Variants in EP300 observed in about 807,000 individuals in gnomAD.
EP300 encodes the protein histone acetyltransferase p300.
In EP300, 31 loss-of-function variants were observed where a neutral mutation model predicts 264.0. The observed-to-expected ratio is 0.12, with a 90% CI of 0.09 to 0.16. The LOEUF (loss-of-function observed/expected upper bound fraction) is 0.16, where lower values mean the gene tolerates loss of function less well. Ranked by LOEUF, EP300 falls within the 10% of genes least tolerant of loss-of-function variation. EP300 has a pLI of 1.00. For synonymous variants in EP300, 1,340 were observed against 1,045.4 expected, an observed-to-expected ratio of 1.28 and a Z score of -5.44; for missense variants, 2,766 against 3,052.9, an observed-to-expected ratio of 0.91 and a Z score of 2.21.
intron 17 of EP300, among the ~76,000 whole-genome samples, chr22:41,156,827 A>G (rs1397982238): frequency 6.6e-6 from 1 of 152,170 alleles, no homozygotes. Flanking sequence ...CTGTGGGCTT[A>G]GTTTCCTCAT....
At position 41,177,789 on chromosome 22, in the gene EP300, C is replaced by T. The variant is rs948050348; in HGVS notation, c.6078C>T (p.Asn2026=). 3 of 1,613,926 alleles carry T rather than the reference C, an allele frequency of 1.9e-6. No individual in the cohort carries two copies. The highest frequency in any genetic ancestry group is 2.5e-6 in the Non-Finnish European group (3 of 1,180,032). Residue 2026 remains asparagine (N), a synonymous_variant, in exon 31 of 31, where the codon AAC becomes AAT. Transcript: ENST00000263253. Reference sequence around the variant, plus strand: ...TGGCCCAGCATGGTCAACCTTTGAACATGGCTCCACAACCAGGATTGGGCC... The same window carrying T: ...TGGCCCAGCATGGTCAACCTTTGAATATGGCTCCACAACCAGGATTGGGCC... ...MSVAQHGQPL[N]MAPQPGLGQV... is the part of the protein sequence containing the mutation.
intron 2 of EP300, among the ~76,000 whole-genome samples, chr22:41,121,720 A>T (rs1450707948): frequency 6.6e-6 from 1 of 152,188 alleles, no homozygotes; most frequent in East Asian, 1.9e-4. Flanking sequence ...GAAGGACCAG[A>T]TTGTTTGGGG....
In EP300 at chr22:41,102,417, C is replaced by T. The variant is rs143528478; in HGVS notation, c.94+9319C>T. Among the ~76,000 whole-genome samples the T allele has an allele frequency of 2.6e-3, 398 of 152,206 alleles. 1 individual carries two copies. The highest frequency in any genetic ancestry group is 9.3e-3 in the African/African-American group (385 of 41,506). On this transcript the variant is annotated intron_variant, in intron 1 of 30. Coordinates refer to ENST00000263253, the MANE Select transcript of EP300 (RefSeq NM_001429.4). ...TAGGATTAGTAAAAATGAGCCCAGGCTAGAAAGGAGACTGTGTGAGGCCAG... is the reference window on the plus strand; with the variant it reads ...TAGGATTAGTAAAAATGAGCCCAGGTTAGAAAGGAGACTGTGTGAGGCCAG...
intron 2 of EP300, among the ~76,000 whole-genome samples, chr22:41,122,491 C>G (rs925416979): frequency 6.6e-6 from 1 of 152,110 alleles, no homozygotes; most frequent in African/African-American, 2.4e-5. Flanking sequence ...CTGAATGCTT[C>G]TCATTTCAGG....
chr22:41,098,671 C>T (rs533401864), intron 1 of EP300, among the ~76,000 whole-genome samples: 32 of 152,138 alleles, frequency 2.1e-4, no homozygotes, highest in Admixed American at 1.7e-3. Context: ...GCACCTGGCC[C>T]TAGAAGTAAT....
In EP300 at chr22:41,093,374, C is replaced by G. The variant is rs187409923; in HGVS notation, c.94+276C>G. On this transcript the variant is annotated intron_variant, in intron 1 of 30. Coordinates refer to ENST00000263253, the MANE Select transcript of EP300 (RefSeq NM_001429.4). ...TATAGAAATGGCCTGTATTGTTGCT[C>G]TCATGCAATTTAATTTGGGAAATGC... 1.6e-4 allele frequency among the ~76,000 whole-genome samples: 25 copies of G among 152,278 alleles called. No homozygotes were observed. In the East Asian group the frequency reaches 4.4e-3, roughly 27 times the overall value.
chr22:41,141,313 C>A, intron 10 of EP300, 91 bp downstream of exon 10: 1 of 1,412,912 alleles, frequency 7.1e-7, no homozygotes, highest in South Asian at 1.2e-5. Flanking sequence ...GCTTGTGTAA[C>A]TATTCTAGAG....
At chr22:41,120,170 GA>G (rs2058844491) in intron 2 of EP300, among the ~76,000 whole-genome samples, 1 of 152,094 alleles carries the variant, frequency 6.6e-6, no homozygotes, top group African/African-American at 2.4e-5. Context: ...TTTGACAAAT[GA>G]GGGAGCTTTA....
intron 8 of EP300, 51 bp downstream of exon 8, chr22:41,137,841 A>G (rs185954843): frequency 9.9e-6 from 16 of 1,612,990 alleles, no homozygotes; most frequent in Admixed American, 8.3e-5. Flanking sequence ...TTACGTCAAC[A>G]TGTTTTCAAT....
At position 41,178,310 on chromosome 22, in the gene EP300, G is replaced by A. The variant is rs766113308; in HGVS notation, c.6599G>A (p.Gly2200Glu). The change falls in exon 31 of 31, where the codon GGA (glycine) becomes GAA (glutamate). Residue 2200 changes from glycine to glutamate, a missense_variant. Physicochemically the swap from Gly to Glu is moderately conservative, Grantham distance 98. Transcript: ENST00000263253. ...CAGCAGCAACAGGGAGCAGGGCCAGGAATAGGCCCTGGAATGGCCAACCAT... is the reference window on the plus strand; with the variant it reads ...CAGCAGCAACAGGGAGCAGGGCCAGAAATAGGCCCTGGAATGGCCAACCAT... ...QQQQQQGAGP[G>E]IGPGMANHNQ... 4 of 1,614,178 alleles carry A rather than the reference G, an allele frequency of 2.5e-6. No homozygotes were observed. Among genetic ancestry groups the A allele is most frequent in the Non-Finnish European group, 2.5e-6 (3 of 1,180,028 alleles).
rs533205974 is a variant in EP300 at position 41,151,626 on chromosome 22, C to CA, written c.2818-205dup. Reference sequence around the variant, plus strand: ...GCTGGTTCTTTGATGTACAATCAGCCAACCAGTATTTACAAGTCTTAATTC... The same window carrying CA: ...GCTGGTTCTTTGATGTACAATCAGCCAAACCAGTATTTACAAGTCTTAATTC... On this transcript the variant is annotated intron_variant, in intron 14 of 30. Coordinates refer to ENST00000263253, the MANE Select transcript of EP300 (RefSeq NM_001429.4). Among the ~76,000 whole-genome samples the CA allele has an allele frequency of 5.1e-4, 77 of 152,252 alleles. 1 individual carries two copies. The highest frequency in any genetic ancestry group is 7.1e-4 in the Non-Finnish European group (48 of 68,022).
At position 41,135,856 on chromosome 22, in the gene EP300, G is replaced by T. The variant is rs746398873; in HGVS notation, c.1572G>T (p.Thr524=). The T allele has an allele frequency of 3.1e-6, 5 of 1,613,976 alleles. No individual in the cohort carries two copies. The South Asian group carries it at 5.5e-5, about 18-fold the overall frequency. The change falls in exon 7 of 31, where the codon ACG becomes ACT. Residue 524 remains threonine, a synonymous_variant. Transcript: ENST00000263253. ...TAAATGGAGGTGTAGGAGTTCAAAC[G>T]CCGAGTCTTCTTTCTGACTCAATGT... ...MGVNGGVGVQ[T]PSLLSDSMLH...
chr22:41,172,776 T>G (rs919364375), intron 28 of EP300, 113 bp downstream of exon 28: 2 of 1,141,588 alleles, frequency 1.8e-6, no homozygotes, highest in African/African-American at 3.1e-5. Flanking sequence ...AAGAGCTCTT[T>G]AAGTTGGACA....
chr22:41,164,270 A>T, intron 22 of EP300, 140 bp downstream of exon 22: 2 of 806,646 alleles, frequency 2.5e-6, no homozygotes, highest in East Asian at 5.2e-5. Flanking sequence ...GGCCACGATA[A>T]TTATAGTTCG....
At chr22:41,147,306 A>G (rs1243798368) in intron 11 of EP300, among the ~76,000 whole-genome samples, 1 of 149,304 alleles carries the variant, frequency 6.7e-6, no homozygotes, top group South Asian at 2.1e-4. Flanking sequence ...TTCGTCTCAA[A>G]AAAAAAAAAA....
At chr22:41,174,330 G>T (rs2059187804) in intron 29 of EP300, among the ~76,000 whole-genome samples, 1 of 152,162 alleles carries the variant, frequency 6.6e-6, no homozygotes, top group African/African-American at 2.4e-5. Context: ...TTGGGATGCT[G>T]GGGTGGGAGG....
chr22:41,101,782 TG>T (rs1440145867), intron 1 of EP300, among the ~76,000 whole-genome samples: 2 of 152,100 alleles, frequency 1.3e-5, no homozygotes, highest in African/African-American at 4.8e-5. Context: ...GTTATCCTCC[TG>T]CTTCGGCCTC....
Position 41,117,182 on chromosome 22 carries a change from T to C in EP300, c.95-5T>C. The C allele has an allele frequency of 2.5e-6, 4 of 1,614,050 alleles. No individual in the cohort carries two copies. The highest frequency in any genetic ancestry group is 3.4e-6 in the Non-Finnish European group (4 of 1,179,928). ...TTGACCTTTGTCTTTTCCCTTTGCT[T>C]TTAGATTTTGGCTCTCTATTTGACT... is the stretch of plus-strand genomic sequence containing the variant. On this transcript the variant is annotated splice_region_variant and splice_polypyrimidine_tract_variant and intron_variant, in intron 1 of 30. Transcript: ENST00000263253.
chr22:41,141,721 G>C lies in EP300; in HGVS notation c.2053+499G>C, dbSNP rs923964661. On this transcript the variant is annotated intron_variant, in intron 10 of 30. Coordinates refer to ENST00000263253, the MANE Select transcript of EP300 (RefSeq NM_001429.4). ...AGGCAGAGTCTCACTCCGTCACCCA[G>C]GCTGGAGTACGGTGGCATGATCTTG... Among the ~76,000 whole-genome samples, 9 of 150,582 alleles carry C rather than the reference G, an allele frequency of 6.0e-5. No homozygotes were observed. In the Admixed American group the frequency reaches 6.0e-4, roughly 10 times the overall value.
Sources: gnomAD v4.1 joint callset for allele counts (sites outside exome capture counted in the v4.1 genomes callset) on GRCh38, gnomAD v4.1.1 for gene constraint, MANE v1.5 for transcripts, NCBI Gene and HGNC (gene_info 2026-07-23, HGNC 2026-07-21) for gene names.